FHIT: variants seen among roughly 807,000 people sequenced by gnomAD.
The protein encoded by FHIT is fragile histidine triad diadenosine triphosphatase.
In FHIT, 19 loss-of-function variants were observed where a neutral mutation model predicts 17.9. That is an observed-to-expected ratio of 1.06 (90% CI 0.74 to 1.56). The LOEUF (loss-of-function observed/expected upper bound fraction) is 1.56, where lower values mean the gene tolerates loss of function less well. Among genes scored for constraint, FHIT ranks in the 40% most tolerant of loss-of-function variants. The pLI is 0.00. For synonymous variants in FHIT, 81 were observed against 69.7 expected, an observed-to-expected ratio of 1.16 and a Z score of -0.81; for missense variants, 248 against 189.2, an observed-to-expected ratio of 1.31 and a Z score of -1.82.
At chr3:60,072,654 C>T (rs1356816676) in intron 5 of FHIT, among the ~76,000 whole-genome samples, 1 of 152,146 alleles carries the variant, frequency 6.6e-6, no homozygotes, top group African/African-American at 2.4e-5. Flanking sequence ...CCCAGCATCA[C>T]TGAGCTGGTA....
intron 2 of FHIT, among the ~76,000 whole-genome samples, chr3:61,130,104 C>G (rs2036721210): frequency 6.6e-6 from 1 of 151,994 alleles, no homozygotes; most frequent in Non-Finnish European, 1.5e-5. Context: ...TCAAAAAGAC[C>G]AGAGTCTAGT....
intron 2 of FHIT, among the ~76,000 whole-genome samples, chr3:61,144,048 A>T (rs917064507): frequency 1.3e-5 from 2 of 152,184 alleles, no homozygotes; most frequent in Non-Finnish European, 2.9e-5. Flanking sequence ...CTTTATTTAG[A>T]TACATTTACA....
At chr3:59,784,551 G>A (rs945916182) in intron 8 of FHIT, among the ~76,000 whole-genome samples, 9 of 152,200 alleles carry the variant, frequency 5.9e-5, no homozygotes, top group Non-Finnish European at 1.2e-4. Context: ...CCAGAGTGTG[G>A]GACACTAACC....
At chr3:60,071,683 A>C (rs1432926489) in intron 5 of FHIT, among the ~76,000 whole-genome samples, 1 of 152,158 alleles carries the variant, frequency 6.6e-6, no homozygotes, top group Non-Finnish European at 1.5e-5. Flanking sequence ...CCCAGACTTA[A>C]GGCTGGGGCT....
At chr3:60,273,657 A>T (rs1173586245) in intron 5 of FHIT, among the ~76,000 whole-genome samples, 1 of 152,186 alleles carries the variant, frequency 6.6e-6, no homozygotes, top group African/African-American at 2.4e-5. Flanking sequence ...GATCATGCTG[A>T]TCATACTGCT....
At chr3:60,716,691 G>A (rs528447390) in intron 4 of FHIT, among the ~76,000 whole-genome samples, 17 of 152,290 alleles carry the variant, frequency 1.1e-4, no homozygotes, top group African/African-American at 4.1e-4. Flanking sequence ...ACCAGTAACA[G>A]TCATTTGTTA....
intron 4 of FHIT, among the ~76,000 whole-genome samples, chr3:60,651,115 T>C (rs1239410044): frequency 2.0e-5 from 3 of 152,154 alleles, no homozygotes; most frequent in African/African-American, 7.2e-5. Flanking sequence ...TTTTATTTTT[T>C]CTTTATTTAT....
chr3:60,416,906 A>T (rs991079430), intron 5 of FHIT, among the ~76,000 whole-genome samples: 1 of 151,966 alleles, frequency 6.6e-6, no homozygotes, highest in Non-Finnish European at 1.5e-5. Flanking sequence ...CTAACATGGT[A>T]AAACCCCGTC....
At position 60,229,811 on chromosome 3, in the gene FHIT, C is replaced by A. The variant is rs558677846; in HGVS notation, c.104-215659G>T. 6.6e-5 allele frequency among the ~76,000 whole-genome samples: 10 copies of A among 152,252 alleles called. No homozygotes were observed. The South Asian group carries it at 1.7e-3, about 25-fold the overall frequency. On this transcript the variant is annotated intron_variant, in intron 5 of 9. Coordinates refer to ENST00000492590, the MANE Select transcript of FHIT (RefSeq NM_002012.4). ...CCTGGGAAATAAAGCAAGTCCATAT[C>A]TCTAAAAGGACTTTTTTAAAGTTAG...
intron 7 of FHIT, among the ~76,000 whole-genome samples, chr3:59,998,870 G>A (rs1052587655): frequency 2.0e-5 from 3 of 152,152 alleles, no homozygotes; most frequent in East Asian, 1.9e-4. Context: ...ATAGTTATTC[G>A]CAATTAGACT....
At chr3:59,898,220 G>A (rs1277795512) in intron 8 of FHIT, among the ~76,000 whole-genome samples, 2 of 152,112 alleles carry the variant, frequency 1.3e-5, no homozygotes, top group East Asian at 3.8e-4. Flanking sequence ...CAGGCTATTT[G>A]TACGAGGTCC....
At chr3:61,115,221 G>T (rs2036266461) in intron 2 of FHIT, among the ~76,000 whole-genome samples, 1 of 152,126 alleles carries the variant, frequency 6.6e-6, no homozygotes, top group Admixed American at 6.6e-5. Context: ...ATAATCAGTG[G>T]ATAATTATAA....
chr3:60,439,999 C>T (rs144785032), intron 5 of FHIT, among the ~76,000 whole-genome samples: 1 of 152,210 alleles, frequency 6.6e-6, no homozygotes, highest in African/African-American at 2.4e-5. Context: ...ACCCCTACTT[C>T]ACATCGACAG....
chr3:60,204,205 C>A (rs1057142524), intron 5 of FHIT, among the ~76,000 whole-genome samples: 3 of 152,056 alleles, frequency 2.0e-5, no homozygotes, highest in African/African-American at 4.8e-5. Context: ...AATATATATA[C>A]CTACTATGTA....
intron 5 of FHIT, among the ~76,000 whole-genome samples, chr3:60,317,617 ATG>A (rs71950103): frequency 0.11 from 16,064 of 140,890 alleles, 1,021 homozygotes; most frequent in Middle Eastern, 0.17. Flanking sequence ...GTAATTATAT[ATG>A]TGTGTGTGTG....
In FHIT at chr3:59,817,698, C is replaced by T. The variant is rs145478425; in HGVS notation, c.349-65377G>A. ...GCACAGAAGAGCTTTGTTTCACATT[C>T]GTTTCGGCTTCCAAAGCAACTAGTC... On this transcript the variant is annotated intron_variant, in intron 8 of 9. Transcript: ENST00000492590. Among the ~76,000 whole-genome samples, 206 of 152,224 alleles carry T rather than the reference C, an allele frequency of 1.4e-3. 1 individual carries two copies. The highest frequency in any genetic ancestry group is 9.5e-3 in the East Asian group (49 of 5,184).
intron 8 of FHIT, among the ~76,000 whole-genome samples, chr3:59,920,952 C>A (rs1240180076): frequency 6.6e-6 from 1 of 152,170 alleles, no homozygotes; most frequent in African/African-American, 2.4e-5. Context: ...TTTCCTTATA[C>A]AATGACTGAT....
chr3:60,449,993 C>T (rs1249638898), intron 5 of FHIT, among the ~76,000 whole-genome samples: 2 of 96,526 alleles, frequency 2.1e-5, no homozygotes, highest in Admixed American at 2.7e-4. Context: ...CAGAGCTAGA[C>T]TCTGTCAAAA....
intron 2 of FHIT, among the ~76,000 whole-genome samples, chr3:61,138,336 A>C (rs1479799173): frequency 6.6e-6 from 1 of 152,222 alleles, no homozygotes; most frequent in Non-Finnish European, 1.5e-5. Flanking sequence ...CTTGAAGATA[A>C]AGTGACAGTT....
Sources: gnomAD v4.1 joint callset for allele counts (sites outside exome capture counted in the v4.1 genomes callset) on GRCh38, gnomAD v4.1.1 for gene constraint, MANE v1.5 for transcripts, NCBI Gene and HGNC (gene_info 2026-07-23, HGNC 2026-07-21) for gene names.